The following AGBL3 variants were observed in gnomAD, a reference collection of about 807,000 sequenced individuals.
The protein encoded by AGBL3 is cytosolic carboxypeptidase 3.
Under a neutral mutation model 94.5 loss-of-function variants are expected in AGBL3, and 68 were observed. That is an observed-to-expected ratio of 0.72 (90% CI 0.59 to 0.88). The LOEUF (loss-of-function observed/expected upper bound fraction) is 0.88. Among genes scored for constraint, AGBL3 ranks in the 40% least tolerant of loss-of-function variants. The pLI is 0.00. For synonymous variants in AGBL3, 354 were observed against 370.7 expected (o/e 0.95, Z 0.52); for missense variants, 934 against 1,103.8 (o/e 0.85, Z 2.18).
intron 15 of AGBL3, among the ~76,000 whole-genome samples, chr7:135,101,807 C>G (rs1823872143): frequency 6.6e-6 from 1 of 152,158 alleles, no homozygotes; most frequent in Non-Finnish European, 1.5e-5. Context: ...TGTCCCCACC[C>G]AAATCTCATC....
chr7:135,000,627 T>C (rs907750409), intron 4 of AGBL3, among the ~76,000 whole-genome samples: 3 of 152,248 alleles, frequency 2.0e-5, no homozygotes, highest in African/African-American at 7.2e-5. Context: ...GTATATTCAC[T>C]GATATAATAA....
chr7:135,009,758 C>T (rs373168043), intron 4 of AGBL3, among the ~76,000 whole-genome samples: 2 of 152,214 alleles, frequency 1.3e-5, no homozygotes, highest in South Asian at 2.1e-4. Context: ...TATCTGCAGC[C>T]CCAAGGGGCT....
chr7:135,115,284 G>A lies in AGBL3; in HGVS notation c.2111-96G>A, dbSNP rs568700781. ...AAAGTACAAGCTTCAGATGGGCAAG[G>A]AATTTTAGATAAAATCCTTGGCATA... On this transcript the variant is annotated intron_variant, in intron 15 of 16. Coordinates refer to ENST00000436302, the MANE Select transcript of AGBL3 (RefSeq NM_178563.4). The A allele has an allele frequency of 3.9e-6, 3 of 771,340 alleles. No homozygotes were observed. In the African/African-American group the frequency reaches 5.3e-5, roughly 14 times the overall value. The allele number at this position is 771,340 out of a possible 1,614,324, so 47.8% of individuals were successfully genotyped here. A position where few individuals can be genotyped will look rare whatever the true frequency, so the allele number is the denominator to read the frequency against.
chr7:135,126,815 T>C (rs1304760144), intron 16 of AGBL3, among the ~76,000 whole-genome samples: 2 of 152,186 alleles, frequency 1.3e-5, no homozygotes, highest in African/African-American at 2.4e-5. Context: ...TGGCTAGCCA[T>C]GTGCAGAAAA....
chr7:135,082,326 T>G (rs945350911), intron 15 of AGBL3, among the ~76,000 whole-genome samples: 1 of 152,142 alleles, frequency 6.6e-6, no homozygotes, highest in South Asian at 2.1e-4. Context: ...GCAATTGTAA[T>G]ACCTTCTCTA....
chr7:135,116,481 C>CTCTGTGAAGAGTAAAAGTA, intron 16 of AGBL3, among the ~76,000 whole-genome samples: 1 of 152,064 alleles, frequency 6.6e-6, no homozygotes, highest in African/African-American at 2.4e-5. Context: ...TAGTAAAAAC[C>CTCTGTGAAGAGTAAAAGTA]CTGACTCTTC....
chr7:135,115,688 T>G, intron 16 of AGBL3, 77 bp downstream of exon 16: 2 of 1,234,804 alleles, frequency 1.6e-6, no homozygotes, highest in Non-Finnish European at 2.2e-6. Context: ...TAATTTATTA[T>G]CCTACGAAAA....
intron 15 of AGBL3, among the ~76,000 whole-genome samples, chr7:135,094,763 A>G (rs1260405318): frequency 6.6e-6 from 1 of 152,242 alleles, no homozygotes; most frequent in Non-Finnish European, 1.5e-5. Context: ...CATACCACCC[A>G]AGAGGAGCAA....
At chr7:134,993,765 A>G (rs962553813) in intron 4 of AGBL3, 87 bp downstream of exon 4, 1 of 1,132,084 alleles carries the variant, frequency 8.8e-7, no homozygotes, top group Non-Finnish European at 1.2e-6. Flanking sequence ...ACAATGTTAG[A>G]AAACAGCACA....
At chr7:135,118,909 A>G (rs1826714271) in intron 16 of AGBL3, among the ~76,000 whole-genome samples, 1 of 152,176 alleles carries the variant, frequency 6.6e-6, no homozygotes. Flanking sequence ...GTATAATTGT[A>G]CAAATAGAGG....
chr7:135,111,000 C>G (rs1825556798), intron 15 of AGBL3, among the ~76,000 whole-genome samples: 1 of 152,108 alleles, frequency 6.6e-6, no homozygotes, highest in Non-Finnish European at 1.5e-5. Context: ...GATCAGCTAC[C>G]TCTTCCATTC....
intron 11 of AGBL3, among the ~76,000 whole-genome samples, chr7:135,053,553 G>A (rs12671987): frequency 0.44 from 66,713 of 151,936 alleles, 15,340 homozygotes; most frequent in East Asian, 0.78. Flanking sequence ...GTTGCAGTGA[G>A]CTGAGATCGT....
intron 11 of AGBL3, among the ~76,000 whole-genome samples, chr7:135,047,520 C>T (rs746801319): frequency 6.6e-5 from 10 of 151,992 alleles, no homozygotes; most frequent in Non-Finnish European, 1.5e-4. Context: ...TTCAATTTCT[C>T]CACATTCTCC....
At chr7:135,130,299 A>T (rs551149439) in intron 16 of AGBL3, among the ~76,000 whole-genome samples, 61 of 152,362 alleles carry the variant, frequency 4.0e-4, no homozygotes, top group African/African-American at 1.4e-3. Context: ...ATAATAATTT[A>T]AAAATATGTT....
At chr7:135,074,726 C>T (rs987747165) in intron 12 of AGBL3, among the ~76,000 whole-genome samples, 1 of 152,162 alleles carries the variant, frequency 6.6e-6, no homozygotes, top group African/African-American at 2.4e-5. Flanking sequence ...TATCAGGACA[C>T]TCATGGATAA....
At chr7:135,130,110 G>A (rs1372987391) in intron 16 of AGBL3, among the ~76,000 whole-genome samples, 1 of 152,066 alleles carries the variant, frequency 6.6e-6, no homozygotes, top group Non-Finnish European at 1.5e-5. Context: ...CTTACAACTG[G>A]GGTAGGTAGA....
At chr7:135,015,097 T>G (rs973551849) in intron 4 of AGBL3, among the ~76,000 whole-genome samples, 5 of 152,160 alleles carry the variant, frequency 3.3e-5, no homozygotes, top group African/African-American at 9.7e-5. Context: ...GCAAAATCTA[T>G]CACTGAATAA....
chr7:134,989,665 A>T (rs972080830), intron 3 of AGBL3, among the ~76,000 whole-genome samples: 1 of 152,216 alleles, frequency 6.6e-6, no homozygotes, highest in African/African-American at 2.4e-5. Context: ...TCTCATTAAT[A>T]AAGTCATTCA....
chr7:135,009,277 T>C (rs975591395), intron 4 of AGBL3, among the ~76,000 whole-genome samples: 1 of 152,094 alleles, frequency 6.6e-6, no homozygotes, highest in Non-Finnish European at 1.5e-5. Context: ...TTCCACACAA[T>C]AGAATATTAA....
Sources: gnomAD v4.1 joint callset for allele counts (sites outside exome capture counted in the v4.1 genomes callset) on GRCh38, gnomAD v4.1.1 for gene constraint, MANE v1.5 for transcripts, NCBI Gene and HGNC (gene_info 2026-07-23, HGNC 2026-07-21) for gene names.